Variants in KCNN3 observed in about 807,000 individuals in gnomAD.
KCNN3 encodes potassium calcium-activated channel subfamily N member 3.
In KCNN3, 16 loss-of-function variants were observed where a neutral mutation model predicts 62.9. That is an observed-to-expected ratio of 0.25 (90% CI 0.17 to 0.39). KCNN3 has a LOEUF of 0.39. KCNN3 is among the 10% of genes least tolerant of loss of function. The probability of loss-of-function intolerance (pLI) is 1.00; values close to 1 mark genes in which losing one functional copy is unlikely to be tolerated. For synonymous variants in KCNN3, 370 were observed against 389.2 expected (o/e 0.95, Z 0.58); for missense variants, 599 against 949.4 (o/e 0.63, Z 4.85).
intron 1 of KCNN3, among the ~76,000 whole-genome samples, chr1:154,857,098 T>G (rs1456936797): frequency 1.3e-5 from 2 of 152,180 alleles, no homozygotes; most frequent in Non-Finnish European, 2.9e-5. Context: ...CATGTCTATT[T>G]GGTGCTGAAC....
intron 3 of KCNN3, among the ~76,000 whole-genome samples, chr1:154,741,465 G>A (rs1237368979): frequency 6.6e-6 from 1 of 152,202 alleles, no homozygotes; most frequent in East Asian, 1.9e-4. Context: ...GCTTGCTTCA[G>A]TAATTCAGTG....
At chr1:154,804,882 G>A (rs550538926) in intron 2 of KCNN3, among the ~76,000 whole-genome samples, 1 of 152,236 alleles carries the variant, frequency 6.6e-6, no homozygotes, top group South Asian at 2.1e-4. Flanking sequence ...TGGCTCCAGA[G>A]TCAGACCTCC....
At position 154,702,748 on chromosome 1, in the gene KCNN3, T is replaced by TATATAA. The variant is rs1699882749; in HGVS notation, c.*5227_*5228insTTATAT. ...ATATATATATATATATATATATATA[T>TATATAA]GTACTTTTTCTTTTTGGCTATAAAT... On this transcript the variant is annotated 3_prime_UTR_variant, in exon 8 of 8. Coordinates refer to ENST00000271915, the MANE Select transcript of KCNN3 (RefSeq NM_002249.6). The TATATAA allele has an allele frequency of 1.8e-5, 2 of 113,428 alleles. No individual in the cohort carries two copies. The highest frequency in any genetic ancestry group is 5.2e-4 in the East Asian group (2 of 3,832). The allele number at this position is 113,428 out of a possible 1,614,324, so 7.0% of individuals were successfully genotyped here. A position where few individuals can be genotyped will look rare whatever the true frequency, so the allele number is the denominator to read the frequency against.
At chr1:154,743,766 G>T (rs1700878110) in intron 3 of KCNN3, among the ~76,000 whole-genome samples, 1 of 152,192 alleles carries the variant, frequency 6.6e-6, no homozygotes, top group Non-Finnish European at 1.5e-5. Context: ...ATTTTGCTCA[G>T]CGGCAGGCTG....
At chr1:154,757,828 A>G (rs753319788) in intron 3 of KCNN3, among the ~76,000 whole-genome samples, 1 of 152,114 alleles carries the variant, frequency 6.6e-6, no homozygotes, top group Non-Finnish European at 1.5e-5. Flanking sequence ...AGAAGATTCA[A>G]CCTGACTTTG....
intron 1 of KCNN3, among the ~76,000 whole-genome samples, chr1:154,827,825 C>T (rs1467988398): frequency 6.6e-6 from 1 of 151,978 alleles, no homozygotes; most frequent in African/African-American, 2.4e-5. Flanking sequence ...ATAACAACAA[C>T]AATAATAATA....
At chr1:154,728,473 G>C (rs534245062) in intron 4 of KCNN3, among the ~76,000 whole-genome samples, 49 of 152,250 alleles carry the variant, frequency 3.2e-4, no homozygotes, top group African/African-American at 1.1e-3. Context: ...TTTCCATTAA[G>C]AGGCAACCTA....
intron 4 of KCNN3, among the ~76,000 whole-genome samples, chr1:154,731,484 G>A (rs973152330): frequency 8.5e-5 from 13 of 152,204 alleles, no homozygotes; most frequent in Non-Finnish European, 1.6e-4. Flanking sequence ...GGGTCTGACC[G>A]TCTGGTCCAC....
chr1:154,766,431 T>TATATATATATATATATATATATATATAG (rs1648286201), intron 3 of KCNN3, among the ~76,000 whole-genome samples: 1 of 124,022 alleles, frequency 8.1e-6, no homozygotes, highest in Non-Finnish European at 1.7e-5. Flanking sequence ...TATATATATA[T>TATATATATATATATATATATATATATAG]ATATATATAT....
Position 154,772,486 on chromosome 1 carries a change from G to C in KCNN3, c.1030-93C>G, listed in dbSNP as rs1026127306. ...CAGGTGGGGCAGGCTGGGGCAGGCT[G>C]CTGGGCTCAGGTCAGCCTGACCACC... On this transcript the variant is annotated intron_variant, in intron 2 of 7. Transcript: ENST00000271915. The surrounding 1 kb of genome is among the most constrained non-coding windows in gnomAD (Gnocchi z 5.6). 6 of 1,311,748 alleles carry C rather than the reference G, an allele frequency of 4.6e-6. No individual in the cohort carries two copies. The highest frequency in any genetic ancestry group is 6.5e-6 in the Non-Finnish European group (6 of 922,758). 81.3% of individuals were successfully genotyped at this position (1,311,748 alleles called of 1,614,324 possible).
At chr1:154,840,041 C>T (rs1272840178) in intron 1 of KCNN3, among the ~76,000 whole-genome samples, 3 of 152,070 alleles carry the variant, frequency 2.0e-5, no homozygotes, top group Non-Finnish European at 4.4e-5. Context: ...GGAAATTGTA[C>T]TTACTCCATT....
At chr1:154,736,109 G>T (rs1309923047) in intron 3 of KCNN3, among the ~76,000 whole-genome samples, 1 of 152,214 alleles carries the variant, frequency 6.6e-6, no homozygotes, top group Non-Finnish European at 1.5e-5. Flanking sequence ...GCCTGGCTTG[G>T]AGCTCCAGCT....
intron 3 of KCNN3, among the ~76,000 whole-genome samples, chr1:154,769,710 T>A (rs1048583594): frequency 6.6e-6 from 1 of 152,162 alleles, no homozygotes; most frequent in African/African-American, 2.4e-5. Flanking sequence ...TTCAAATAGC[T>A]TAAAGGGCTA....
chr1:154,702,493 A>G lies in KCNN3; in HGVS notation c.*5483T>C, dbSNP rs1386389385. On this transcript the variant is annotated 3_prime_UTR_variant, in exon 8 of 8. Coordinates refer to ENST00000271915, the MANE Select transcript of KCNN3 (RefSeq NM_002249.6). Reference sequence around the variant, plus strand: ...ATGTTTCCTCCATTAACATCCTGTCATTCTCTTGTTGTTCTCGTGGCCAGT... The same window carrying G: ...ATGTTTCCTCCATTAACATCCTGTCGTTCTCTTGTTGTTCTCGTGGCCAGT... 2.0e-5 allele frequency: 3 copies of G among 151,152 alleles called. No homozygotes were observed. The highest frequency in any genetic ancestry group is 4.4e-5 in the Non-Finnish European group (3 of 67,874). The allele number at this position is 151,152 out of a possible 1,614,324, so 9.4% of individuals were successfully genotyped here.
chr1:154,863,892 C>T lies in KCNN3; in HGVS notation c.933+5140G>A, dbSNP rs141784601. ...GACAGTTATAAATAGTGTGATGACACGCAAAGGAGAAGCATATATAAAAAG... is the reference window on the plus strand; with the variant it reads ...GACAGTTATAAATAGTGTGATGACATGCAAAGGAGAAGCATATATAAAAAG... On this transcript the variant is annotated intron_variant, in intron 1 of 7. Coordinates refer to ENST00000271915, the MANE Select transcript of KCNN3 (RefSeq NM_002249.6). Among the ~76,000 whole-genome samples the T allele has an allele frequency of 6.6e-4, 100 of 152,266 alleles. 1 individual carries two copies. In the East Asian group the frequency reaches 9.5e-3, roughly 14 times the overall value.
intron 3 of KCNN3, among the ~76,000 whole-genome samples, chr1:154,750,513 C>T (rs999270870): frequency 3.3e-5 from 5 of 152,254 alleles, no homozygotes; most frequent in Middle Eastern, 3.4e-3. Flanking sequence ...GCAAAACCCC[C>T]TTCGCATCAA....
intron 3 of KCNN3, among the ~76,000 whole-genome samples, chr1:154,747,442 A>C (rs1282886075): frequency 2.0e-5 from 3 of 152,164 alleles, no homozygotes; most frequent in African/African-American, 4.8e-5. Flanking sequence ...ACACTGGGGC[A>C]GACAAACAGT....
chr1:154,775,674 T>G (rs1648759756), intron 2 of KCNN3, among the ~76,000 whole-genome samples: 1 of 147,188 alleles, frequency 6.8e-6, no homozygotes, highest in African/African-American at 2.5e-5. Flanking sequence ...CTGTCATCTC[T>G]GAACAGGAGA....
chr1:154,779,981 C>T (rs74115864), intron 2 of KCNN3, among the ~76,000 whole-genome samples: 5,467 of 152,160 alleles, frequency 0.036, 209 homozygotes, highest in East Asian at 0.19. Context: ...ACCACAAGGC[C>T]AACGCTGAAG....
Sources: allele counts gnomAD v4.1 joint callset (sites outside exome capture counted in the v4.1 genomes callset), GRCh38; gene constraint gnomAD v4.1.1; non-coding constraint Gnocchi (gnomAD v3.1); transcripts MANE v1.5; gene names NCBI Gene and HGNC (gene_info 2026-07-23, HGNC 2026-07-21).